The following ME3 variants were observed in gnomAD, a reference collection of about 807,000 sequenced individuals.
The protein encoded by ME3 is malic enzyme 3, also known as NADP-dependent malic enzyme, mitochondrial.
A neutral mutation model predicts 68.9 loss-of-function variants in ME3; 48 were observed. That is an observed-to-expected ratio of 0.70 (90% CI 0.55 to 0.89). ME3 has a LOEUF of 0.89. Among genes scored for constraint, ME3 ranks in the 40% least tolerant of loss-of-function variants. ME3 has a pLI of 0.00. For synonymous variants in ME3, 320 were observed against 318.8 expected, an observed-to-expected ratio of 1.00 and a Z score of -0.04; for missense variants, 675 against 797.4, an observed-to-expected ratio of 0.85 and a Z score of 1.85.
intron 8 of ME3, among the ~76,000 whole-genome samples, chr11:86,452,437 A>C (rs542502078): frequency 8.1e-4 from 123 of 152,290 alleles, no homozygotes; most frequent in Non-Finnish European, 1.5e-3. Flanking sequence ...TCTATGCTCA[A>C]TAGTAAATAT....
intron 5 of ME3, 78 bp downstream of exon 5, chr11:86,508,714 A>G (rs534696853): frequency 4.4e-6 from 6 of 1,361,140 alleles, no homozygotes; most frequent in African/African-American, 1.4e-5. Context: ...GGCTCATTTT[A>G]TAGATGGAAA....
chr11:86,629,460 C>T (rs1250837847), intron 2 of ME3, among the ~76,000 whole-genome samples: 1 of 152,190 alleles, frequency 6.6e-6, no homozygotes, highest in Non-Finnish European at 1.5e-5. Context: ...CCCTCCCCCT[C>T]CCCCGTGGGT....
At chr11:86,554,252 A>C (rs924018231) in intron 4 of ME3, among the ~76,000 whole-genome samples, 1 of 152,150 alleles carries the variant, frequency 6.6e-6, no homozygotes, top group Admixed American at 6.5e-5. Context: ...GCTTCCACAC[A>C]TCCTGGCAAT....
intron 6 of ME3, among the ~76,000 whole-genome samples, chr11:86,488,159 A>C (rs185475388): frequency 6.6e-6 from 1 of 152,198 alleles, no homozygotes; most frequent in Non-Finnish European, 1.5e-5. Context: ...TAGTCTGGGC[A>C]ACAGAATGAG....
chr11:86,461,320 G>C (rs1244286224), intron 8 of ME3, among the ~76,000 whole-genome samples: 1 of 152,216 alleles, frequency 6.6e-6, no homozygotes, highest in Non-Finnish European at 1.5e-5. Flanking sequence ...CCCAGTGAGG[G>C]AGGGGGGGAT....
chr11:86,567,939 TG>T (rs1419868380), intron 2 of ME3, among the ~76,000 whole-genome samples: 2 of 152,140 alleles, frequency 1.3e-5, no homozygotes, highest in Non-Finnish European at 2.9e-5. Context: ...AAAAAAGTCA[TG>T]GGGTATATGA....
intron 4 of ME3, among the ~76,000 whole-genome samples, chr11:86,509,474 T>C (rs779393421): frequency 6.6e-6 from 1 of 151,880 alleles, no homozygotes; most frequent in Non-Finnish European, 1.5e-5. Context: ...AGACAGATAT[T>C]GGAGGGGAAT....
At chr11:86,597,514 C>G (rs956209118) in intron 2 of ME3, among the ~76,000 whole-genome samples, 1 of 152,192 alleles carries the variant, frequency 6.6e-6, no homozygotes, top group Non-Finnish European at 1.5e-5. Context: ...TGGGAACAAG[C>G]CTGTTGTCAG....
intron 2 of ME3, among the ~76,000 whole-genome samples, chr11:86,650,984 G>A (rs1228156785): frequency 2.0e-5 from 3 of 152,244 alleles, no homozygotes; most frequent in African/African-American, 7.2e-5. Context: ...CGCCCACAGA[G>A]CCTCACTCAT....
intron 8 of ME3, among the ~76,000 whole-genome samples, chr11:86,452,706 T>A (rs1480433191): frequency 6.6e-6 from 1 of 152,250 alleles, no homozygotes; most frequent in African/African-American, 2.4e-5. Context: ...TATATAATGG[T>A]ACACATGGGC....
rs928469574 is a variant in ME3 at position 86,654,455 on chromosome 11, T to A, written c.183+17307A>T. Among the ~76,000 whole-genome samples the A allele has an allele frequency of 3.3e-5, 5 of 152,296 alleles. No homozygotes were observed. In the South Asian group the frequency reaches 8.3e-4, roughly 25 times the overall value. ...GCCTGGTTCAACATATGCAAATCAA[T>A]AAACGTAATCCAGCATATAAACAGA... On this transcript the variant is annotated intron_variant, in intron 2 of 14. Transcript: ENST00000543262.
intron 2 of ME3, among the ~76,000 whole-genome samples, chr11:86,568,990 A>G (rs188068047): frequency 2.4e-4 from 37 of 152,344 alleles, no homozygotes; most frequent in Admixed American, 2.4e-3. Context: ...TCTCCCACTT[A>G]TTAAATGAAG....
At chr11:86,489,621 G>C (rs374807989) in intron 6 of ME3, among the ~76,000 whole-genome samples, 113 of 152,232 alleles carry the variant, frequency 7.4e-4, no homozygotes, top group African/African-American at 2.7e-3. Flanking sequence ...GAGCATGGAG[G>C]GGGTGTGGGG....
intron 2 of ME3, among the ~76,000 whole-genome samples, chr11:86,586,394 G>A (rs892272706): frequency 1.3e-5 from 2 of 152,226 alleles, no homozygotes; most frequent in Non-Finnish European, 2.9e-5. Flanking sequence ...CTGGTTGACA[G>A]TGTGTTGTTA....
At chr11:86,508,190 T>A (rs1953226361) in intron 5 of ME3, among the ~76,000 whole-genome samples, 1 of 152,056 alleles carries the variant, frequency 6.6e-6, no homozygotes, top group Non-Finnish European at 1.5e-5. Context: ...ATATTGTCCA[T>A]CATAGGCTTT....
intron 4 of ME3, among the ~76,000 whole-genome samples, chr11:86,539,113 A>G (rs2139331355): frequency 6.6e-6 from 1 of 152,234 alleles, no homozygotes; most frequent in East Asian, 1.9e-4. Context: ...TAACTGAAAA[A>G]ATTGGGGTTG....
rs181229005 is a variant in ME3 at position 86,619,743 on chromosome 11, G to A, written c.183+52019C>T. On this transcript the variant is annotated intron_variant, in intron 2 of 14. Coordinates refer to ENST00000543262, the Ensembl canonical transcript of ME3. Reference sequence around the variant, plus strand: ...CCTCCTTTTCTTTATAAATTACCTCGTCTGGGGTATGTCTTTATCAGGTAC... The same window carrying A: ...CCTCCTTTTCTTTATAAATTACCTCATCTGGGGTATGTCTTTATCAGGTAC... Among the ~76,000 whole-genome samples the A allele has an allele frequency of 7.9e-5, 12 of 152,268 alleles. No homozygotes were observed. The East Asian group carries it at 1.2e-3, about 15-fold the overall frequency.
chr11:86,485,257 GTCTC>G (rs1220461845), intron 7 of ME3, among the ~76,000 whole-genome samples: 1 of 152,172 alleles, frequency 6.6e-6, no homozygotes, highest in African/African-American at 2.4e-5. Context: ...AGACAGAGCA[GTCTC>G]TGAGTCTTCT....
intron 12 of ME3, 38 bp downstream of exon 12, chr11:86,447,027 G>A (rs1369280314): frequency 1.2e-6 from 2 of 1,605,342 alleles, no homozygotes; most frequent in African/African-American, 2.7e-5. Flanking sequence ...TTGTTACTAT[G>A]TCCTCTCAGC....
Sources: gnomAD v4.1 joint callset for allele counts (sites outside exome capture counted in the v4.1 genomes callset) on GRCh38, gnomAD v4.1.1 for gene constraint, MANE v1.5 for transcripts, NCBI Gene and HGNC (gene_info 2026-07-23, HGNC 2026-07-21) for gene names.